WWOX: variants seen among roughly 807,000 people sequenced by gnomAD.
WWOX encodes WW domain-containing oxidoreductase.
WWOX carries 69 observed loss-of-function variants against 46.2 expected under a neutral mutation model. The ratio of observed to expected loss-of-function variants is 1.49; its 90% CI spans 1.23 to 1.82. The LOEUF (loss-of-function observed/expected upper bound fraction) is 1.82, where lower values mean the gene tolerates loss of function less well. Ranked by LOEUF, WWOX falls within the 40% of genes most tolerant of loss-of-function variation. The pLI is 0.00. For synonymous variants in WWOX, 359 were observed against 202.6 expected, an observed-to-expected ratio of 1.77 and a Z score of -6.56; for missense variants, 919 against 542.6, an observed-to-expected ratio of 1.69 and a Z score of -6.89.
chr16:79,018,783 C>A (rs1313789421), intron 8 of WWOX, among the ~76,000 whole-genome samples: 2 of 152,120 alleles, frequency 1.3e-5, no homozygotes, highest in Non-Finnish European at 2.9e-5. Context: ...AAATACAGTG[C>A]TTTGAAATTT....
intron 8 of WWOX, among the ~76,000 whole-genome samples, chr16:78,539,725 G>A (rs772092999): frequency 2.6e-5 from 4 of 152,146 alleles, no homozygotes; most frequent in African/African-American, 9.7e-5. Flanking sequence ...CTAAAGAGAG[G>A]CAGCTCATAA....
At chr16:78,719,291 G>C (rs1021184269) in intron 8 of WWOX, among the ~76,000 whole-genome samples, 1 of 152,166 alleles carries the variant, frequency 6.6e-6, no homozygotes, top group African/African-American at 2.4e-5. Context: ...GGTTATTCTG[G>C]GGAGCCTTCC....
At chr16:78,787,563 C>G (rs949212949) in intron 8 of WWOX, among the ~76,000 whole-genome samples, 1 of 152,092 alleles carries the variant, frequency 6.6e-6, no homozygotes, top group Admixed American at 6.5e-5. Context: ...TATCCATTTG[C>G]CAGTGGGTGG....
intron 5 of WWOX, among the ~76,000 whole-genome samples, chr16:78,246,708 C>G (rs546920611): frequency 6.6e-6 from 1 of 152,180 alleles, no homozygotes; most frequent in Admixed American, 6.5e-5. Context: ...TTTCAACTTC[C>G]TCTTCTGAAG....
intron 8 of WWOX, among the ~76,000 whole-genome samples, chr16:78,589,308 G>C (rs1020081017): frequency 9.2e-5 from 14 of 152,226 alleles, no homozygotes; most frequent in African/African-American, 3.4e-4. Context: ...AGTCCATTCT[G>C]TATTAGTCCT....
At chr16:79,156,327 A>G (rs1041701380) in intron 8 of WWOX, among the ~76,000 whole-genome samples, 2 of 152,102 alleles carry the variant, frequency 1.3e-5, no homozygotes. Flanking sequence ...CACTTGGCTA[A>G]TTTTTGTGCA....
intron 8 of WWOX, among the ~76,000 whole-genome samples, chr16:78,934,489 A>G (rs2045693666): frequency 6.9e-6 from 1 of 145,958 alleles, no homozygotes. Context: ...AGCCTGGGCA[A>G]CAGTGCGAAA....
chr16:78,311,076 TG>T (rs2080233431), intron 5 of WWOX, among the ~76,000 whole-genome samples: 1 of 152,162 alleles, frequency 6.6e-6, no homozygotes, highest in South Asian at 2.1e-4. Context: ...CCAGAAGCTA[TG>T]GGGTACAGAT....
chr16:78,728,659 G>T (rs972586163), intron 8 of WWOX, among the ~76,000 whole-genome samples: 2 of 152,286 alleles, frequency 1.3e-5, no homozygotes, highest in South Asian at 4.2e-4. Flanking sequence ...ATCCCTGAGG[G>T]TCCCTTGACT....
At position 78,972,710 on chromosome 16, in the gene WWOX, C is replaced by T. The variant is rs568990264; in HGVS notation, c.1057-238898C>T. On this transcript the variant is annotated intron_variant, in intron 8 of 8. Transcript: ENST00000566780. Reference sequence around the variant, plus strand: ...AGCTCAGCTGCCTTCTCCTCCCTGACCTCAGGTCACCCAAGACTCCCACTT... The same window carrying T: ...AGCTCAGCTGCCTTCTCCTCCCTGATCTCAGGTCACCCAAGACTCCCACTT... 1.9e-3 allele frequency among the ~76,000 whole-genome samples: 297 copies of T among 152,332 alleles called. 1 individual carries two copies. Among genetic ancestry groups the T allele is most frequent in the African/African-American group, 6.7e-3 (279 of 41,578 alleles).
chr16:78,824,762 G>A (rs975731716), intron 8 of WWOX, among the ~76,000 whole-genome samples: 4 of 152,034 alleles, frequency 2.6e-5, no homozygotes, highest in East Asian at 1.9e-4. Flanking sequence ...GAGTTACCTC[G>A]CCCTGGGTCC....
At chr16:78,712,337 A>G (rs2048461345) in intron 8 of WWOX, among the ~76,000 whole-genome samples, 1 of 152,068 alleles carries the variant, frequency 6.6e-6, no homozygotes, top group Non-Finnish European at 1.5e-5. Context: ...CTCTGTCTCT[A>G]CTAAAAATAC....
intron 8 of WWOX, among the ~76,000 whole-genome samples, chr16:78,462,386 A>G (rs555353524): frequency 5.3e-5 from 8 of 152,172 alleles, no homozygotes; most frequent in South Asian, 4.1e-4. Context: ...TGAAGTGTCT[A>G]GTGAGCCGGC....
At chr16:78,113,239 A>G (rs2032595273) in intron 3 of WWOX, among the ~76,000 whole-genome samples, 1 of 152,164 alleles carries the variant, frequency 6.6e-6, no homozygotes, top group Non-Finnish European at 1.5e-5. Context: ...TGGGGCTTGC[A>G]ATCTGCGCTC....
intron 8 of WWOX, among the ~76,000 whole-genome samples, chr16:78,915,282 T>G (rs1363670168): frequency 2.0e-5 from 3 of 152,232 alleles, no homozygotes; most frequent in African/African-American, 7.2e-5. Context: ...ACAGAGAATC[T>G]GGTCACCTGT....
intron 8 of WWOX, among the ~76,000 whole-genome samples, chr16:79,056,370 T>C (rs977849611): frequency 1.3e-5 from 2 of 152,256 alleles, no homozygotes; most frequent in African/African-American, 4.8e-5. Context: ...ATGGAGGAGT[T>C]ACCTTGGACC....
chr16:79,109,820 G>A (rs1000733404), intron 8 of WWOX, among the ~76,000 whole-genome samples: 1 of 152,288 alleles, frequency 6.6e-6, no homozygotes, highest in Admixed American at 6.5e-5. Flanking sequence ...CAGGCTCGAT[G>A]ATACCTGCAC....
chr16:78,932,217 A>G (rs554863467), intron 8 of WWOX, among the ~76,000 whole-genome samples: 4 of 152,166 alleles, frequency 2.6e-5, no homozygotes, highest in Admixed American at 2.0e-4. Context: ...CTCTTTTTCT[A>G]AGCTCCTCAT....
At chr16:78,427,923 C>T (rs533012291) in intron 7 of WWOX, among the ~76,000 whole-genome samples, 3 of 152,238 alleles carry the variant, frequency 2.0e-5, no homozygotes, top group African/African-American at 4.8e-5. Context: ...CAAAAATTAG[C>T]CAGGTGTGGT....
Sources: gnomAD v4.1 joint callset for allele counts (sites outside exome capture counted in the v4.1 genomes callset) on GRCh38, gnomAD v4.1.1 for gene constraint, MANE v1.5 for transcripts, NCBI Gene and HGNC (gene_info 2026-07-23, HGNC 2026-07-21) for gene names.